The following TRMT61B variants were observed in gnomAD, a reference collection of about 807,000 sequenced individuals.
The protein encoded by TRMT61B is tRNA (adenine(58)-N(1))-methyltransferase, mitochondrial.
Under a neutral mutation model 52.0 loss-of-function variants are expected in TRMT61B, and 56 were observed. The observed-to-expected ratio is 1.08, with a 90% CI of 0.87 to 1.35. TRMT61B has a LOEUF of 1.35. Among genes scored for constraint, TRMT61B ranks in the 40% most tolerant of loss-of-function variants. The pLI is 0.00. For synonymous variants in TRMT61B, 206 were observed against 220.0 expected (o/e 0.94, Z 0.56); for missense variants, 650 against 577.9 (o/e 1.12, Z -1.28).
intron 2 of TRMT61B, among the ~76,000 whole-genome samples, chr2:28,864,115 GA>G (rs551420294): frequency 1.4e-5 from 2 of 147,068 alleles, no homozygotes; most frequent in South Asian, 2.2e-4. Context: ...AGACTTTCTG[GA>G]AAAAAAAAAG....
Position 28,869,994 on chromosome 2 carries a change from T to C in TRMT61B, c.284A>G (p.Glu95Gly). The C allele has an allele frequency of 1.9e-6, 3 of 1,613,502 alleles. No homozygotes were observed. The highest frequency in any genetic ancestry group is 2.5e-6 in the Non-Finnish European group (3 of 1,179,922). The change falls in exon 1 of 7, where the codon GAA becomes GGA. Residue 95 changes from glutamate (E) to glycine (G), a missense_variant. Glu to Gly is a moderately conservative substitution (Grantham distance 98). Transcript: ENST00000306108. ...CTCGAGCTCTCGAGGGGATGACTCT[T>C]CCCGCAGCGTCGGCAGTCTGAGGTT... ...LENLRLPTLR[E>G]ESSPRELEDS... is the part of the protein sequence containing the mutation.
At chr2:28,866,280 C>T (rs1025764794) in intron 1 of TRMT61B, among the ~76,000 whole-genome samples, 5 of 152,166 alleles carry the variant, frequency 3.3e-5, no homozygotes, top group African/African-American at 7.2e-5. Context: ...TGTGAGCCAA[C>T]GTGCCTGGCC....
chr2:28,850,149 C>T lies in TRMT61B; in HGVS notation c.*50G>A, dbSNP rs558873024. ...AAGCAGTGATTTTCAATATAAAGTTCTATTTTGATATTTTTCCATCTTCAA... is the reference window on the plus strand; with the variant it reads ...AAGCAGTGATTTTCAATATAAAGTTTTATTTTGATATTTTTCCATCTTCAA... On this transcript the variant is annotated 3_prime_UTR_variant, in exon 7 of 7. Transcript: ENST00000306108. 4.6e-6 allele frequency: 7 copies of T among 1,521,412 alleles called. No homozygotes were observed. The highest frequency in any genetic ancestry group is 3.6e-5 in the Admixed American group (2 of 55,594). 94.2% of individuals were successfully genotyped at this position (1,521,412 alleles called of 1,614,324 possible).
intron 1 of TRMT61B, among the ~76,000 whole-genome samples, chr2:28,865,828 C>G (rs1259223860): frequency 7.3e-5 from 11 of 150,978 alleles, no homozygotes; most frequent in African/African-American, 2.4e-4. Context: ...TTACAGGTGC[C>G]TGCCACCATG....
intron 1 of TRMT61B, among the ~76,000 whole-genome samples, chr2:28,869,371 TA>T (rs941049263): frequency 7.9e-5 from 12 of 152,204 alleles, no homozygotes; most frequent in African/African-American, 2.9e-4. Flanking sequence ...TCGAGACTCC[TA>T]AGTTAAAATT....
Position 28,860,688 on chromosome 2 carries a change from C to T in TRMT61B, c.993+430G>A, listed in dbSNP as rs139294604. ...TCGACATCTTCAATGAACACACTCC[C>T]CTTGATATCCTGACTTCAACTAACT... On this transcript the variant is annotated intron_variant, in intron 3 of 6. Transcript: ENST00000306108. Among the ~76,000 whole-genome samples the T allele has an allele frequency of 3.2e-3, 493 of 152,300 alleles. 6 individuals carry two copies. Among genetic ancestry groups the T allele is most frequent in the African/African-American group, 0.011 (476 of 41,548 alleles).
At position 28,852,506 on chromosome 2, in the gene TRMT61B, G is replaced by GCTACCTGT. The variant is rs771437420; in HGVS notation, c.994-8_994-7insACAGGTAG. Reference sequence around the variant, plus strand: ...TTAACATATCCAAAGCTACCTGTGTGGGGGAAAAAGAGAACTGGATCAGTC... The same window carrying GCTACCTGT: ...TTAACATATCCAAAGCTACCTGTGTGCTACCTGTGGGGAAAAAGAGAACTGGATCAGTC... On this transcript the variant is annotated splice_region_variant and splice_polypyrimidine_tract_variant and intron_variant, in intron 3 of 6. Coordinates refer to ENST00000306108, the MANE Select transcript of TRMT61B (RefSeq NM_017910.4). 1.0e-5 allele frequency: 16 copies of GCTACCTGT among 1,575,118 alleles called. No individual in the cohort carries two copies. In the South Asian group the frequency reaches 1.6e-4, roughly 16 times the overall value.
In TRMT61B at chr2:28,850,340, G is replaced by C. The variant is rs923347509; in HGVS notation, c.1378C>G (p.Pro460Ala). 1.2e-6 allele frequency: 2 copies of C among 1,609,600 alleles called. No homozygotes were observed. The highest frequency in any genetic ancestry group is 2.7e-5 in the African/African-American group (2 of 74,796). The change falls in exon 6 of 7, where the codon CCT becomes GCT. Residue 460 changes from proline to alanine, a missense_variant. Transcript: ENST00000306108. Reference sequence around the variant, plus strand: ...AAACATTACTCACCTGTATGACCAGGTTGCCAGTGTACTGGTCTAGCAACA... The same window carrying C: ...AAACATTACTCACCTGTATGACCAGCTTGCCAGTGTACTGGTCTAGCAACA... Reference protein sequence around the residue: ...PYVARPVHWQPGHTAFLVKLR... With the variant: ...PYVARPVHWQAGHTAFLVKLR...
Position 28,850,034 on chromosome 2 carries a change from G to A in TRMT61B, c.*165C>T. The A allele has an allele frequency of 8.3e-7, 1 of 1,205,876 alleles. No homozygotes were observed. The highest frequency in any genetic ancestry group is 1.2e-6 in the Non-Finnish European group (1 of 836,366). The allele number at this position is 1,205,876 out of a possible 1,614,324, so 74.7% of individuals were successfully genotyped here. ...CAAAATGGGATGTTTAAGCAGTTTTGCTATGTTATACATCTTTTAGTTGTT... is the reference window on the plus strand; with the variant it reads ...CAAAATGGGATGTTTAAGCAGTTTTACTATGTTATACATCTTTTAGTTGTT... On this transcript the variant is annotated 3_prime_UTR_variant, in exon 7 of 7. Coordinates refer to ENST00000306108, the MANE Select transcript of TRMT61B (RefSeq NM_017910.4).
chr2:28,859,030 G>A (rs540091703), intron 3 of TRMT61B, among the ~76,000 whole-genome samples: 54 of 150,970 alleles, frequency 3.6e-4, no homozygotes, highest in African/African-American at 1.2e-3. Context: ...AAGTAGCTGG[G>A]ATTGTAGGCG....
chr2:28,860,998 C>T (rs1361340188), intron 3 of TRMT61B, 120 bp downstream of exon 3: 1 of 810,214 alleles, frequency 1.2e-6, no homozygotes, highest in Non-Finnish European at 1.8e-6. Context: ...AATATTCTTT[C>T]AATCCCTAGA....
Position 28,852,390 on chromosome 2 carries a change from AAC to A in TRMT61B, c.1085+16_1085+17del, listed in dbSNP as rs1175604906. 1 of 1,449,738 alleles carries A rather than the reference AAC, an allele frequency of 6.9e-7. No individual in the cohort carries two copies. Among genetic ancestry groups the A allele is most frequent in the Non-Finnish European group, 9.5e-7 (1 of 1,055,134 alleles). 89.8% of individuals were successfully genotyped at this position (1,449,738 alleles called of 1,614,324 possible). A position where few individuals can be genotyped will look rare whatever the true frequency, so the allele number is the denominator to read the frequency against. On this transcript the variant is annotated intron_variant, in intron 4 of 6. Coordinates refer to ENST00000306108, the MANE Select transcript of TRMT61B (RefSeq NM_017910.4). Reference sequence around the variant, plus strand: ...ACTTAAAAGTTACATTACAAAGAAAAACAGTTATATTACTCACTTTACTACAT... The same window carrying A: ...ACTTAAAAGTTACATTACAAAGAAAAAGTTATATTACTCACTTTACTACAT...
chr2:28,855,400 A>G (rs1669299576), intron 3 of TRMT61B, among the ~76,000 whole-genome samples: 1 of 152,226 alleles, frequency 6.6e-6, no homozygotes, highest in South Asian at 2.1e-4. Context: ...TGCAGAAAAC[A>G]CTGAGAATGC....
chr2:28,867,125 T>C (rs1004257113), intron 1 of TRMT61B, among the ~76,000 whole-genome samples: 16 of 151,638 alleles, frequency 1.1e-4, no homozygotes, highest in South Asian at 1.0e-3. Context: ...AGATAGGATC[T>C]TACACTGTTG....
intron 3 of TRMT61B, among the ~76,000 whole-genome samples, chr2:28,856,719 C>G: frequency 6.6e-6 from 1 of 152,038 alleles, no homozygotes; most frequent in Non-Finnish European, 1.5e-5. Flanking sequence ...ACTGCAACCT[C>G]CGCCTCCCGG....
Position 28,849,840 on chromosome 2 carries a change from T to C in TRMT61B, c.*359A>G. ...ATAAAATTTATCTTAAAATGCATAT[T>C]TTATTTCAGTAGTCAATGACCATCA... On this transcript the variant is annotated 3_prime_UTR_variant, in exon 7 of 7. Coordinates refer to ENST00000306108, the MANE Select transcript of TRMT61B (RefSeq NM_017910.4). 1 of 1,471,436 alleles carries C rather than the reference T, an allele frequency of 6.8e-7. No individual in the cohort carries two copies. The highest frequency in any genetic ancestry group is 9.3e-7 in the Non-Finnish European group (1 of 1,075,686). 91.1% of individuals were successfully genotyped at this position (1,471,436 alleles called of 1,614,324 possible). A position where few individuals can be genotyped will look rare whatever the true frequency, so the allele number is the denominator to read the frequency against.
Position 28,851,003 on chromosome 2 carries a change from A to G in TRMT61B, c.1312+69T>C. The G allele has an allele frequency of 7.3e-6, 7 of 961,692 alleles. No homozygotes were observed. In the South Asian group the frequency reaches 1.3e-4, roughly 17 times the overall value. The allele number at this position is 961,692 out of a possible 1,614,324, so 59.6% of individuals were successfully genotyped here. On this transcript the variant is annotated intron_variant, in intron 5 of 6. Transcript: ENST00000306108. ...TTGCTGAGGAATATTTTTATAATCT[A>G]TTGGTCAGTATACTCAGGAACTCAT...
At chr2:28,854,080 ATTGT>A (rs1669237664) in intron 3 of TRMT61B, among the ~76,000 whole-genome samples, 1 of 152,200 alleles carries the variant, frequency 6.6e-6, no homozygotes, top group South Asian at 2.1e-4. Flanking sequence ...AAAATATTAG[ATTGT>A]TTGTGTCTTT....
At chr2:28,863,854 A>C (rs1324915028) in intron 2 of TRMT61B, among the ~76,000 whole-genome samples, 1 of 152,188 alleles carries the variant, frequency 6.6e-6, no homozygotes, top group Admixed American at 6.6e-5. Context: ...AATCTACTCA[A>C]AGAAAGTACT....
Sources: gnomAD v4.1 joint callset for allele counts (sites outside exome capture counted in the v4.1 genomes callset) on GRCh38, gnomAD v4.1.1 for gene constraint, MANE v1.5 for transcripts, NCBI Gene and HGNC (gene_info 2026-07-23, HGNC 2026-07-21) for gene names.